The following PLBD1 variants were observed in gnomAD, a reference collection of about 807,000 sequenced individuals.
PLBD1 encodes phospholipase B domain containing 1.
PLBD1 carries 60 observed loss-of-function variants against 63.0 expected under a neutral mutation model. That is an observed-to-expected ratio of 0.95 (90% CI 0.77 to 1.18). The LOEUF is 1.18. Among genes scored for constraint, PLBD1 ranks in the 50% most tolerant of loss-of-function variants. The pLI is 0.00. For synonymous variants in PLBD1, 262 were observed against 248.0 expected, an observed-to-expected ratio of 1.06 and a Z score of -0.53; for missense variants, 598 against 677.9, an observed-to-expected ratio of 0.88 and a Z score of 1.31.
At chr12:14,539,328 ATCTC>A (rs1241248270) in intron 4 of PLBD1, among the ~76,000 whole-genome samples, 1 of 151,918 alleles carries the variant, frequency 6.6e-6, no homozygotes, top group Non-Finnish European at 1.5e-5. Flanking sequence ...CTCCAATCTC[ATCTC>A]TCTCCTTTCC....
intron 1 of PLBD1, among the ~76,000 whole-genome samples, chr12:14,556,068 G>A (rs1945700968): frequency 6.6e-6 from 1 of 152,192 alleles, no homozygotes; most frequent in Admixed American, 6.5e-5. Context: ...AAAATATGAC[G>A]TGTTCTTTTC....
chr12:14,540,013 C>CTTAATTATATATATATAT (rs1555147086), intron 4 of PLBD1, among the ~76,000 whole-genome samples: 1 of 22,780 alleles, frequency 4.4e-5, no homozygotes, highest in Non-Finnish European at 1.1e-4. Flanking sequence ...AAGCTATGCA[C>CTTAATTATATATATATAT]ATATATATAT....
intron 1 of PLBD1, among the ~76,000 whole-genome samples, chr12:14,557,254 A>AT (rs1945713423): frequency 6.6e-6 from 1 of 152,172 alleles, no homozygotes; most frequent in South Asian, 2.1e-4. Flanking sequence ...CATTGTGGTG[A>AT]TTCCTCAAAG....
chr12:14,543,727 GA>G (rs1262620399), intron 2 of PLBD1, among the ~76,000 whole-genome samples: 1 of 151,382 alleles, frequency 6.6e-6, no homozygotes, highest in Non-Finnish European at 1.5e-5. Flanking sequence ...TCCATCTCAG[GA>G]AAAAAAATAA....
rs1945226192 is a variant in PLBD1 at position 14,503,897 on chromosome 12, C to CTG, written c.1535_1536dup (p.Val513GlnfsTer33). On this transcript the variant is annotated frameshift_variant, in exon 11 of 11. Transcript: ENST00000240617. LOFTEE classifies it high-confidence loss of function. ...CGAAAAACAGGGAGGCCACCTTGTA[C>CTG]TGTGGGACCACTTATGGCATAGGAT... 2 of 1,613,920 alleles carry CTG rather than the reference C, an allele frequency of 1.2e-6. No homozygotes were observed. Among genetic ancestry groups the CTG allele is most frequent in the African/African-American group, 2.7e-5 (2 of 74,900 alleles).
intron 2 of PLBD1, among the ~76,000 whole-genome samples, chr12:14,547,899 C>A (rs1945627350): frequency 6.6e-6 from 1 of 152,072 alleles, no homozygotes; most frequent in Admixed American, 6.6e-5. Context: ...GGCTAGATAG[C>A]CTCCTTTCCA....
At chr12:14,523,948 T>C (rs76694403) in intron 6 of PLBD1, among the ~76,000 whole-genome samples, 5,601 of 152,220 alleles carry the variant, frequency 0.037, 356 homozygotes, top group African/African-American at 0.13. Context: ...ATATGATACA[T>C]ATACATATAA....
chr12:14,559,529 T>C (rs1253642982), intron 1 of PLBD1, among the ~76,000 whole-genome samples: 1 of 152,128 alleles, frequency 6.6e-6, no homozygotes, highest in Non-Finnish European at 1.5e-5. Context: ...TTTTCAAGCC[T>C]GGGTGAGAAA....
Position 14,567,833 on chromosome 12 carries a change from C to T in PLBD1, c.-137G>A. The T allele has an allele frequency of 8.2e-7, 1 of 1,225,426 alleles. No homozygotes were observed. The highest frequency in any genetic ancestry group is 1.6e-5 in the African/African-American group (1 of 62,526). 75.9% of individuals were successfully genotyped at this position (1,225,426 alleles called of 1,614,324 possible). On this transcript the variant is annotated 5_prime_UTR_variant, in exon 1 of 11. Transcript: ENST00000240617. ...TGGGGCGTCCTCAACTTTCCTCTTT[C>T]TTGAGCCCGGCCTGCTCCGGGCTCT...
chr12:14,511,878 T>A (rs1209707616), intron 6 of PLBD1, among the ~76,000 whole-genome samples, 167 bp from the exon 7 acceptor site: 2 of 152,218 alleles, frequency 1.3e-5, no homozygotes, highest in African/African-American at 4.8e-5. Flanking sequence ...TCTGTGGTAG[T>A]CACCCAACTG....
intron 6 of PLBD1, among the ~76,000 whole-genome samples, chr12:14,519,475 C>T (rs956916223): frequency 2.6e-5 from 4 of 151,848 alleles, no homozygotes; most frequent in East Asian, 1.9e-4. Context: ...AAAAATTAGC[C>T]GGGTGTGGTG....
intron 8 of PLBD1, among the ~76,000 whole-genome samples, 153 bp from the exon 9 acceptor site, chr12:14,507,271 C>CA (rs1945264186): frequency 6.6e-6 from 1 of 152,162 alleles, no homozygotes. Flanking sequence ...TAAAGCTTTG[C>CA]ATGTGAACCC....
At chr12:14,564,268 C>T (rs1313491492) in intron 1 of PLBD1, among the ~76,000 whole-genome samples, 3 of 152,150 alleles carry the variant, frequency 2.0e-5, no homozygotes, top group Non-Finnish European at 4.4e-5. Flanking sequence ...TGACCCCAGT[C>T]ATAGGTCTGC....
At chr12:14,567,015 A>C (rs1282275402) in intron 1 of PLBD1, among the ~76,000 whole-genome samples, 1 of 152,026 alleles carries the variant, frequency 6.6e-6, no homozygotes, top group Non-Finnish European at 1.5e-5. Context: ...GAATCGCTTG[A>C]ACCCGGGAGG....
intron 1 of PLBD1, among the ~76,000 whole-genome samples, chr12:14,555,430 G>A (rs1200996061): frequency 2.0e-5 from 3 of 152,128 alleles, no homozygotes; most frequent in East Asian, 1.9e-4. Flanking sequence ...CCAGCTACAC[G>A]GGAGGCTGAG....
In PLBD1 at chr12:14,506,262, T is replaced by C; in HGVS notation, c.1379A>G (p.Lys460Arg). The C allele has an allele frequency of 1.2e-6, 2 of 1,602,854 alleles. No homozygotes were observed. The highest frequency in any genetic ancestry group is 1.7e-6 in the Non-Finnish European group (2 of 1,171,352). ...GTCACCTCTACTGTAAGGATCCTTC[T>C]TATAATCTAGGAAACAGAAATGGGG... Reference protein sequence around the residue: ...MKYIMRYNNYKKDPYSRGDPC... With the variant: ...MKYIMRYNNYRKDPYSRGDPC... Residue 460 changes from lysine (K) to arginine (R), a missense_variant, in exon 10 of 11, where the codon AAG becomes AGG. Transcript: ENST00000240617.
intron 6 of PLBD1, among the ~76,000 whole-genome samples, chr12:14,524,469 A>C (rs1945401783): frequency 6.6e-6 from 1 of 152,200 alleles, no homozygotes; most frequent in Admixed American, 6.5e-5. Flanking sequence ...ATAATTCTCA[A>C]AAATACACAT....
Position 14,540,903 on chromosome 12 carries a change from C to A in PLBD1, c.420-1G>T. 6.3e-7 allele frequency: 1 copy of A among 1,591,094 alleles called. No individual in the cohort carries two copies. The highest frequency in any genetic ancestry group is 8.6e-7 in the Non-Finnish European group (1 of 1,163,504). ...TTTCCGGGTCCACTTATCTTGCTTCCTGGAAGAGAAATTAGATTTGCACCA... is the reference window on the plus strand; with the variant it reads ...TTTCCGGGTCCACTTATCTTGCTTCATGGAAGAGAAATTAGATTTGCACCA... On this transcript the variant is annotated splice_acceptor_variant, in intron 3 of 10. Coordinates refer to ENST00000240617, the MANE Select transcript of PLBD1 (RefSeq NM_024829.6). LOFTEE classifies it high-confidence loss of function.
intron 2 of PLBD1, among the ~76,000 whole-genome samples, chr12:14,551,417 A>G (rs1249671815): frequency 6.6e-6 from 1 of 152,242 alleles, no homozygotes; most frequent in African/African-American, 2.4e-5. Context: ...AGTTATTATT[A>G]GAATGGCTTT....
Sources: allele counts gnomAD v4.1 joint callset (sites outside exome capture counted in the v4.1 genomes callset), GRCh38; gene constraint gnomAD v4.1.1; transcripts MANE v1.5; gene names NCBI Gene and HGNC (gene_info 2026-07-23, HGNC 2026-07-21).